The following RIMKLB variants were observed in gnomAD, a reference collection of about 807,000 sequenced individuals.
RIMKLB encodes the protein beta-citrylglutamate synthase B.
A neutral mutation model predicts 32.0 loss-of-function variants in RIMKLB; 7 were observed. The ratio of observed to expected loss-of-function variants is 0.22; its 90% CI spans 0.12 to 0.41. The LOEUF (loss-of-function observed/expected upper bound fraction) is 0.41. Among genes scored for constraint, RIMKLB ranks in the 10% least tolerant of loss-of-function variants. The probability of loss-of-function intolerance (pLI) is 1.00; values close to 1 mark genes in which losing one functional copy is unlikely to be tolerated. For synonymous variants in RIMKLB, 172 were observed against 185.1 expected (o/e 0.93, Z 0.57); for missense variants, 289 against 498.7 (o/e 0.58, Z 4.00).
At chr12:8,770,360 G>T (rs186130747) in intron 5 of RIMKLB, among the ~76,000 whole-genome samples, 49 of 152,248 alleles carry the variant, frequency 3.2e-4, no homozygotes, top group African/African-American at 1.0e-3. Context: ...TCATCTAATA[G>T]TTTTAGTTCA....
chr12:8,710,592 C>T (rs969640803), intron 1 of RIMKLB, among the ~76,000 whole-genome samples: 7 of 152,128 alleles, frequency 4.6e-5, no homozygotes, highest in Non-Finnish European at 1.0e-4. Context: ...AGGCAGGAGC[C>T]ATCATGCCTG....
In RIMKLB at chr12:8,775,618, C is replaced by CTA; in HGVS notation, c.*1837_*1838dup. ...ATAATAAAAGATCAGTATTAACCAG[C>CTA]TATAACAGAGGTTTGATCATGCTTA... On this transcript the variant is annotated 3_prime_UTR_variant, in exon 6 of 6. Coordinates refer to ENST00000535829, the MANE Select transcript of RIMKLB (RefSeq NM_001297776.2). 1.0e-6 allele frequency: 1 copy of CTA among 985,632 alleles called. No homozygotes were observed. 61.1% of individuals were successfully genotyped at this position (985,632 alleles called of 1,614,324 possible).
intron 2 of RIMKLB, among the ~76,000 whole-genome samples, chr12:8,744,893 C>T (rs1277047182): frequency 2.0e-5 from 3 of 151,866 alleles, no homozygotes; most frequent in Non-Finnish European, 2.9e-5. Context: ...ATGTGTACAA[C>T]GTGCAGGTTT....
chr12:8,718,530 C>G (rs1945081220), intron 2 of RIMKLB, among the ~76,000 whole-genome samples: 1 of 152,202 alleles, frequency 6.6e-6, no homozygotes, highest in Non-Finnish European at 1.5e-5. Context: ...GTAGTCCCAG[C>G]TACTCAGGAG....
chr12:8,777,694 C>G (rs1950816115), downstream of RIMKLB: 2 of 1,287,562 alleles, frequency 1.6e-6, no homozygotes, highest in East Asian at 5.6e-5. Flanking sequence ...GTATTGAGAA[C>G]TTTCGGGGTC....
chr12:8,745,049 G>T (rs954566270), intron 2 of RIMKLB, among the ~76,000 whole-genome samples: 7 of 151,858 alleles, frequency 4.6e-5, no homozygotes, highest in African/African-American at 1.7e-4. Flanking sequence ...CTGTGTCTGT[G>T]TGTTCTCATT....
chr12:8,760,446 T>C (rs753198346), intron 5 of RIMKLB, among the ~76,000 whole-genome samples: 70 of 152,380 alleles, frequency 4.6e-4, no homozygotes, highest in Non-Finnish European at 9.6e-4. Context: ...TATAATCCTT[T>C]GGATACATAC....
At chr12:8,758,467 TG>T (rs1949251138) in intron 5 of RIMKLB, among the ~76,000 whole-genome samples, 2 of 152,190 alleles carry the variant, frequency 1.3e-5, no homozygotes, top group South Asian at 4.1e-4. Context: ...TTATATGAAT[TG>T]TAAGTACAGT....
At chr12:8,762,615 C>T (rs1949623249) in intron 5 of RIMKLB, among the ~76,000 whole-genome samples, 2 of 152,230 alleles carry the variant, frequency 1.3e-5, no homozygotes, top group African/African-American at 4.8e-5. Flanking sequence ...TTCCCTTTCT[C>T]TCCATATTGC....
At chr12:8,693,746 TGAAATGGCTA>T (rs1216014019), upstream of RIMKLB, among the ~76,000 whole-genome samples, 1 of 152,170 alleles carries the variant, frequency 6.6e-6, no homozygotes, top group Non-Finnish European at 1.5e-5. Flanking sequence ...TCTGACTAGC[TGAAATGGCTA>T]GATAACATGT....
chr12:8,758,748 A>G (rs1949285295), intron 5 of RIMKLB, among the ~76,000 whole-genome samples: 1 of 152,140 alleles, frequency 6.6e-6, no homozygotes, highest in Admixed American at 6.5e-5. Flanking sequence ...TTTTTTCGAA[A>G]TGAATAACCG....
chr12:8,691,724 CT>C (rs1158132108), intron 1 of RIMKLB, among the ~76,000 whole-genome samples: 1 of 152,184 alleles, frequency 6.6e-6, no homozygotes, highest in African/African-American at 2.4e-5. Flanking sequence ...TGAACTTAGA[CT>C]ACTGAACAGG....
At chr12:8,685,804 C>A (rs1241518292) in intron 1 of RIMKLB, among the ~76,000 whole-genome samples, 1 of 151,650 alleles carries the variant, frequency 6.6e-6, no homozygotes, top group African/African-American at 2.4e-5. Flanking sequence ...CCACTACGCC[C>A]AGCTATTTTT....
intron 2 of RIMKLB, among the ~76,000 whole-genome samples, chr12:8,747,589 C>T (rs1948212255): frequency 1.3e-5 from 2 of 151,972 alleles, no homozygotes; most frequent in African/African-American, 4.8e-5. Context: ...CTATTTTGAC[C>T]ATATAGAAAA....
In RIMKLB at chr12:8,776,000, G is replaced by A. The variant is rs1332648835; in HGVS notation, c.*2216G>A. On this transcript the variant is annotated 3_prime_UTR_variant, in exon 6 of 6. Transcript: ENST00000535829. ...CTATTTGGTATAGAGAAATAAATGA[G>A]GAAGAAAGAACTGCTTAATTAAATT... 1.0e-6 allele frequency: 1 copy of A among 984,078 alleles called. No individual in the cohort carries two copies. The highest frequency in any genetic ancestry group is 1.7e-5 in the African/African-American group (1 of 57,184). 61.0% of individuals were successfully genotyped at this position (984,078 alleles called of 1,614,324 possible).
chr12:8,774,864 G>A lies in RIMKLB; in HGVS notation c.*1080G>A, dbSNP rs1296501137. ...TATATTTGCATTTTTCACATTTTAC[G>A]AGGGAGTATATGTGTATGTGTGTGC... On this transcript the variant is annotated 3_prime_UTR_variant, in exon 6 of 6. Transcript: ENST00000535829. 7.1e-6 allele frequency: 7 copies of A among 985,424 alleles called. No individual in the cohort carries two copies. Among genetic ancestry groups the A allele is most frequent in the South Asian group, 4.7e-5 (1 of 21,280 alleles). 61.0% of individuals were successfully genotyped at this position (985,424 alleles called of 1,614,324 possible).
rs1330120537 is a variant in RIMKLB at position 8,698,044 on chromosome 12, AGAGT to A, written c.-308_-305del. On this transcript the variant is annotated 5_prime_UTR_variant, in exon 1 of 6. Transcript: ENST00000535829. The stretch of plus-strand genomic sequence containing the variant: ...GGCCGGGTGTGAGTGTGTGGGAGTG[AGAGT>A]GTGTGGGAGTGGGGTGAGGGAGAAG... 1 of 227,010 alleles carries A rather than the reference AGAGT, an allele frequency of 4.4e-6. No homozygotes were observed. Among genetic ancestry groups the A allele is most frequent in the East Asian group, 1.9e-4 (1 of 5,186 alleles). The allele number at this position is 227,010 out of a possible 1,614,324, so 14.1% of individuals were successfully genotyped here. A position where few individuals can be genotyped will look rare whatever the true frequency, so the allele number is the denominator to read the frequency against.
chr12:8,694,063 T>C (rs890720840), upstream of RIMKLB, among the ~76,000 whole-genome samples: 2 of 151,970 alleles, frequency 1.3e-5, no homozygotes, highest in Admixed American at 6.6e-5. Flanking sequence ...GCCAACATGG[T>C]GAAACCCCAA....
intron 2 of RIMKLB, among the ~76,000 whole-genome samples, chr12:8,743,230 T>G (rs1222214543): frequency 6.6e-6 from 1 of 151,380 alleles, no homozygotes. Flanking sequence ...GATGCTCGCC[T>G]GTAATCCCAG....
Sources: allele counts gnomAD v4.1 joint callset (sites outside exome capture counted in the v4.1 genomes callset), GRCh38; gene constraint gnomAD v4.1.1; transcripts MANE v1.5; gene names NCBI Gene and HGNC (gene_info 2026-07-23, HGNC 2026-07-21).